ULK4: variants seen among roughly 807,000 people sequenced by gnomAD.
ULK4 encodes the protein unc-51 like kinase 4.
In ULK4, 133 loss-of-function variants were observed where a neutral mutation model predicts 160.6. The observed-to-expected ratio is 0.83, with a 90% CI of 0.72 to 0.96. ULK4 has a LOEUF of 0.96. Among genes scored for constraint, ULK4 ranks in the 40% least tolerant of loss-of-function variants. ULK4 has a pLI of 0.00. For synonymous variants in ULK4, 534 were observed against 539.8 expected (o/e 0.99, Z 0.15); for missense variants, 1,580 against 1,499.5 (o/e 1.05, Z -0.89).
intron 32 of ULK4, among the ~76,000 whole-genome samples, chr3:41,552,062 C>A (rs2087089544): frequency 6.6e-6 from 1 of 151,962 alleles, no homozygotes; most frequent in South Asian, 2.1e-4. Flanking sequence ...TTCAATATCT[C>A]TTCATGATAA....
intron 17 of ULK4, among the ~76,000 whole-genome samples, chr3:41,878,269 CAAAGGGAG>C (rs1264847877): frequency 6.6e-6 from 1 of 152,002 alleles, no homozygotes; most frequent in East Asian, 1.9e-4. Context: ...AGGCTCATGT[CAAAGGGAG>C]AAAGGAGCAA....
rs1224581102 is a variant in ULK4 at position 41,941,508 on chromosome 3, A to G, written c.139-3311T>C. On this transcript the variant is annotated intron_variant, in intron 2 of 36. Coordinates refer to ENST00000301831, the MANE Select transcript of ULK4 (RefSeq NM_017886.4). ...CACAATTAGAGGAAAATGGATCCAC[A>G]TAACTTAGACGACAGAGGAGTTAAA... 3.3e-5 allele frequency among the ~76,000 whole-genome samples: 5 copies of G among 152,050 alleles called. No individual in the cohort carries two copies. In the East Asian group the frequency reaches 9.7e-4, roughly 29 times the overall value.
chr3:41,323,689 G>A (rs1351453316), intron 35 of ULK4, among the ~76,000 whole-genome samples: 1 of 151,844 alleles, frequency 6.6e-6, no homozygotes, highest in Non-Finnish European at 1.5e-5. Context: ...CCAGTGTCCT[G>A]TCCAAATCTC....
chr3:41,954,906 T>C, intron 1 of ULK4, 99 bp from the exon 2 acceptor site: 1 of 748,254 alleles, frequency 1.3e-6, no homozygotes, highest in South Asian at 2.6e-5. Flanking sequence ...GTAAAAAATC[T>C]AGCAAATCGA....
At chr3:41,595,954 G>A (rs2031658925) in intron 31 of ULK4, among the ~76,000 whole-genome samples, 1 of 152,136 alleles carries the variant, frequency 6.6e-6, no homozygotes, top group Non-Finnish European at 1.5e-5. Context: ...AGTATCCCTA[G>A]TATTTCCTAA....
intron 19 of ULK4, among the ~76,000 whole-genome samples, chr3:41,809,954 C>G (rs1559570285): frequency 6.6e-6 from 1 of 152,232 alleles, no homozygotes; most frequent in East Asian, 1.9e-4. Context: ...AAGACAAACA[C>G]ATTTAATTTT....
At chr3:41,851,954 C>T (rs536979638) in intron 17 of ULK4, among the ~76,000 whole-genome samples, 1 of 152,140 alleles carries the variant, frequency 6.6e-6, no homozygotes, top group East Asian at 1.9e-4. Flanking sequence ...ATCAACGAAT[C>T]CAGGAGCTGG....
chr3:41,737,788 A>T (rs2038106932), intron 22 of ULK4, among the ~76,000 whole-genome samples: 1 of 151,980 alleles, frequency 6.6e-6, no homozygotes. Context: ...ATTATCTCTC[A>T]GCTTATGATG....
At position 41,754,415 on chromosome 3, in the gene ULK4, A is replaced by C; in HGVS notation, c.2267T>G (p.Leu756Arg). 6.2e-7 allele frequency: 1 copy of C among 1,613,882 alleles called. No homozygotes were observed. The highest frequency in any genetic ancestry group is 8.5e-7 in the Non-Finnish European group (1 of 1,179,900). ...TCIRAKAFLV[L>R]LYILIYNREM... Reference sequence around the variant, plus strand: ...ACGGTTATAAATCAAAATATATAGAAGAACCAGGAAGGCTTTTGCTCTAAT... The same window carrying C: ...ACGGTTATAAATCAAAATATATAGACGAACCAGGAAGGCTTTTGCTCTAAT... The change falls in exon 22 of 37, where the codon CTT (leucine) becomes CGT (arginine). Residue 756 changes from leucine to arginine, a missense_variant. Physicochemically the swap from Leu to Arg is moderately radical, Grantham distance 102. Coordinates refer to ENST00000301831, the MANE Select transcript of ULK4 (RefSeq NM_017886.4).
chr3:41,763,012 A>G (rs2039040416), intron 21 of ULK4, among the ~76,000 whole-genome samples: 1 of 152,050 alleles, frequency 6.6e-6, no homozygotes, highest in Non-Finnish European at 1.5e-5. Flanking sequence ...CTCACTCACT[A>G]TCACAAGAAC....
intron 17 of ULK4, 23 bp from the exon 18 acceptor site, chr3:41,835,994 A>C: frequency 7.2e-7 from 1 of 1,398,204 alleles, no homozygotes; most frequent in Non-Finnish European, 1.0e-6. Context: ...AAAAAAAAAA[A>C]GTAAATTATT....
chr3:41,822,631 C>T (rs2041182110), intron 18 of ULK4, among the ~76,000 whole-genome samples: 1 of 150,652 alleles, frequency 6.6e-6, no homozygotes, highest in Non-Finnish European at 1.5e-5. Flanking sequence ...GTTGGCCAGG[C>T]TCGTCTCAAA....
At chr3:41,865,849 A>T (rs1431215932) in intron 17 of ULK4, among the ~76,000 whole-genome samples, 1 of 152,170 alleles carries the variant, frequency 6.6e-6, no homozygotes, top group African/African-American at 2.4e-5. Flanking sequence ...AGAAACACAC[A>T]CGAGAAAAAC....
chr3:41,864,652 GCCTATAATCCCAGCA>G (rs2042577005), intron 17 of ULK4, among the ~76,000 whole-genome samples: 1 of 152,044 alleles, frequency 6.6e-6, no homozygotes, highest in African/African-American at 2.4e-5. Context: ...GGTGTTTCAT[GCCTATAATCCCAGCA>G]CTTTGGGAGG....
intron 29 of ULK4, among the ~76,000 whole-genome samples, chr3:41,675,895 C>G (rs1316395394): frequency 6.6e-6 from 1 of 152,190 alleles, no homozygotes; most frequent in Non-Finnish European, 1.5e-5. Context: ...TGAATTCCTA[C>G]TGTTTTAAGA....
chr3:41,725,988 T>C (rs1034193495), intron 22 of ULK4, among the ~76,000 whole-genome samples: 3 of 152,108 alleles, frequency 2.0e-5, no homozygotes, highest in African/African-American at 7.2e-5. Context: ...ACAGAGAAAA[T>C]AGAAATGGTT....
At chr3:41,725,231 T>C (rs2037609188) in intron 22 of ULK4, among the ~76,000 whole-genome samples, 1 of 152,214 alleles carries the variant, frequency 6.6e-6, no homozygotes, top group African/African-American at 2.4e-5. Context: ...CTTTACTGCT[T>C]TACCTTTACA....
intron 32 of ULK4, among the ~76,000 whole-genome samples, chr3:41,521,140 G>T (rs2085917420): frequency 2.0e-5 from 3 of 152,146 alleles, no homozygotes; most frequent in Admixed American, 2.0e-4. Context: ...CCACTGACCA[G>T]GAGTGCCACA....
chr3:41,323,864 T>C (rs2080292568), intron 35 of ULK4, among the ~76,000 whole-genome samples: 1 of 152,066 alleles, frequency 6.6e-6, no homozygotes. Flanking sequence ...GAAAAATAAA[T>C]AGATTTGAAA....
Sources: gnomAD v4.1 joint callset for allele counts (sites outside exome capture counted in the v4.1 genomes callset) on GRCh38, gnomAD v4.1.1 for gene constraint, MANE v1.5 for transcripts, NCBI Gene and HGNC (gene_info 2026-07-23, HGNC 2026-07-21) for gene names.